Variants in OTUD7B observed in about 807,000 individuals in gnomAD.
OTUD7B encodes the protein OTU domain-containing protein 7B.
A neutral mutation model predicts 82.2 loss-of-function variants in OTUD7B; 34 were observed. That is an observed-to-expected ratio of 0.41 (90% CI 0.31 to 0.55). The LOEUF (loss-of-function observed/expected upper bound fraction) is 0.55, where lower values mean the gene tolerates loss of function less well. Among genes scored for constraint, OTUD7B ranks in the 20% least tolerant of loss-of-function variants. OTUD7B has a pLI of 0.20. For missense variants in OTUD7B, 944 were observed against 1,062.1 expected (o/e 0.89, Z 1.55); for synonymous variants, 398 against 402.7 (o/e 0.99, Z 0.14).
chr1:149,964,152 G>A (rs1571636153), intron 6 of OTUD7B, 70 bp downstream of exon 6: 1 of 1,557,240 alleles, frequency 6.4e-7, no homozygotes, highest in African/African-American at 1.4e-5. Context: ...TTTTCTACTG[G>A]CAGGCACCCA....
chr1:149,950,448 C>G (rs1325667483), intron 7 of OTUD7B, among the ~76,000 whole-genome samples: 2 of 152,184 alleles, frequency 1.3e-5, no homozygotes, highest in African/African-American at 4.8e-5. Flanking sequence ...TTTGAAGGCT[C>G]TAGGGTTAAA....
At chr1:149,946,271 G>A (rs1043790588) in intron 11 of OTUD7B, among the ~76,000 whole-genome samples, 8 of 151,636 alleles carry the variant, frequency 5.3e-5, no homozygotes. Flanking sequence ...GCTGAGGCAG[G>A]AGAATCGCTT....
chr1:150,017,818 G>C, the OTUD7B span, among the ~76,000 whole-genome samples: 1 of 152,172 alleles, frequency 6.6e-6, no homozygotes, highest in African/African-American at 2.4e-5. Flanking sequence ...TAATGGCCCA[G>C]GTTGACCTCA....
intron 7 of OTUD7B, among the ~76,000 whole-genome samples, chr1:149,955,916 G>A (rs1455728044): frequency 6.6e-6 from 1 of 151,832 alleles, no homozygotes; most frequent in Non-Finnish European, 1.5e-5. Flanking sequence ...TTTATTTTGA[G>A]CCTATGTGTG....
Position 149,942,045 on chromosome 1 carries a change from T to G in OTUD7B, c.*1812A>C, listed in dbSNP as rs1247389510. ...AGGAGAAAATAACCTTTATAAACCG[T>G]GAGCATTTCCAACAAGGACAATCTT... On this transcript the variant is annotated 3_prime_UTR_variant, in exon 12 of 12. Coordinates refer to ENST00000581312, the MANE Select transcript of OTUD7B (RefSeq NM_020205.4). 8 of 152,442 alleles carry G rather than the reference T, an allele frequency of 5.2e-5. No individual in the cohort carries two copies. The highest frequency in any genetic ancestry group is 5.2e-4 in the Admixed American group (8 of 15,278). 9.4% of individuals were successfully genotyped at this position (152,442 alleles called of 1,614,324 possible).
chr1:149,964,270 T>A lies in OTUD7B; in HGVS notation c.684A>T (p.Glu228Asp). Residue 228 changes from glutamate to aspartate, a missense_variant, in exon 6 of 12, where the codon GAA becomes GAT. Glu to Asp is a conservative substitution (Grantham distance 45). Transcript: ENST00000581312. ...YALMEKGVEK[E>D]ALKRRWRWQQ... ...GCCACCTCCAGCGCCTTTTCAACGC[T>A]TCCTTCTCAACTCCCTTCTCCATCA... 6.2e-7 allele frequency: 1 copy of A among 1,614,048 alleles called. No homozygotes were observed. Among genetic ancestry groups the A allele is most frequent in the Non-Finnish European group, 8.5e-7 (1 of 1,180,020 alleles).
chr1:149,999,779 C>T (rs782214026), intron 1 of OTUD7B, among the ~76,000 whole-genome samples: 6 of 152,258 alleles, frequency 3.9e-5, no homozygotes, highest in South Asian at 4.1e-4. Context: ...TCTTCACATG[C>T]GACTACCTTC....
the OTUD7B span, among the ~76,000 whole-genome samples, chr1:150,052,524 A>C: frequency 6.6e-6 from 1 of 152,224 alleles, no homozygotes; most frequent in Admixed American, 6.5e-5. Context: ...GAGAAGCCAC[A>C]AACAAATGGA....
upstream of OTUD7B, among the ~76,000 whole-genome samples, chr1:150,013,943 T>TAG (rs1653181943): frequency 2.4e-5 from 3 of 125,444 alleles, no homozygotes; most frequent in South Asian, 5.6e-4. Context: ...AAATAATATA[T>TAG]ATATACACAC....
Position 149,964,280 on chromosome 1 carries a change from A to T in OTUD7B, c.674T>A (p.Val225Asp). 2.5e-6 allele frequency: 4 copies of T among 1,613,488 alleles called. No individual in the cohort carries two copies. The highest frequency in any genetic ancestry group is 3.4e-6 in the Non-Finnish European group (4 of 1,179,858). The change falls in exon 6 of 12, where the codon GTT becomes GAT. Residue 225 changes from valine (V) to aspartate (D), a missense_variant. Val to Asp is a radical substitution (Grantham distance 152, BLOSUM62 -3). Around this residue, in one of 3 missense-constraint regions of OTUD7B, gnomAD observed 530 missense variants for 625.6 expected, o/e 0.85. Coordinates refer to ENST00000581312, the MANE Select transcript of OTUD7B (RefSeq NM_020205.4). The stretch of plus-strand genomic sequence containing the variant: ...GCGCCTTTTCAACGCTTCCTTCTCA[A>T]CTCCCTTCTCCATCAGTGCATACAA... ...KALYALMEKGVEKEALKRRWR... is the reference protein window; with the variant it reads ...KALYALMEKGDEKEALKRRWR...
At chr1:150,049,915 A>C in the OTUD7B span, among the ~76,000 whole-genome samples, 2 of 152,070 alleles carry the variant, frequency 1.3e-5, no homozygotes, top group African/African-American at 4.8e-5. Flanking sequence ...TTGTTTCAAA[A>C]TATGTTGTAC....
chr1:150,062,349 T>G, the OTUD7B span, among the ~76,000 whole-genome samples: 1 of 152,250 alleles, frequency 6.6e-6, no homozygotes. Context: ...TCAGACATTT[T>G]AATTTTTGGA....
chr1:150,003,398 G>A (rs1553785415), intron 1 of OTUD7B, among the ~76,000 whole-genome samples: 1 of 152,102 alleles, frequency 6.6e-6, no homozygotes, highest in African/African-American at 2.4e-5. Context: ...TTTGTTCATG[G>A]TATTTTCTCA....
the OTUD7B span, chr1:150,054,296 C>T: frequency 1.0e-5 from 5 of 489,186 alleles, no homozygotes; most frequent in Admixed American, 4.5e-5. Context: ...CAGGATCACT[C>T]CCAAGACCAT....
In OTUD7B at chr1:149,999,563, T is replaced by C. The variant is rs188586869; in HGVS notation, c.-67+10885A>G. On this transcript the variant is annotated intron_variant, in intron 1 of 11. Transcript: ENST00000581312. ...GAACACATAAGAGGAGATAAGTTTCTAAAATATATTTTTGTTGGAGCTAGG... is the reference window on the plus strand; with the variant it reads ...GAACACATAAGAGGAGATAAGTTTCCAAAATATATTTTTGTTGGAGCTAGG... Among the ~76,000 whole-genome samples the C allele has an allele frequency of 3.6e-3, 545 of 152,282 alleles. 3 individuals carry two copies. Among genetic ancestry groups the C allele is most frequent in the African/African-American group, 0.012 (517 of 41,550 alleles).
intron 6 of OTUD7B, among the ~76,000 whole-genome samples, chr1:149,960,453 C>T (rs1355097683): frequency 8.2e-6 from 1 of 122,172 alleles, no homozygotes; most frequent in Non-Finnish European, 1.6e-5. Context: ...GGCACAATCT[C>T]GGCTCACTGC....
At chr1:149,979,181 GAATA>G (rs1391600061) in intron 1 of OTUD7B, among the ~76,000 whole-genome samples, 1 of 152,104 alleles carries the variant, frequency 6.6e-6, no homozygotes, top group Non-Finnish European at 1.5e-5. Flanking sequence ...AATGCCTGAT[GAATA>G]AATGATTCAA....
chr1:150,017,649 G>A, the OTUD7B span, among the ~76,000 whole-genome samples: 12 of 152,196 alleles, frequency 7.9e-5, no homozygotes, highest in African/African-American at 2.9e-4. Flanking sequence ...AAGTCACTCT[G>A]CCCCTGACTA....
chr1:149,976,094 TC>T (rs1436793637), intron 2 of OTUD7B, among the ~76,000 whole-genome samples: 2 of 152,036 alleles, frequency 1.3e-5, no homozygotes, highest in East Asian at 3.9e-4. Flanking sequence ...TAAACCCTGA[TC>T]TTCTGTTTCC....
Sources: allele counts gnomAD v4.1 joint callset (sites outside exome capture counted in the v4.1 genomes callset), GRCh38; gene constraint gnomAD v4.1.1; regional missense constraint gnomAD v4.1.1; transcripts MANE v1.5; gene names NCBI Gene and HGNC (gene_info 2026-07-23, HGNC 2026-07-21).